Variants in KIFC1 observed in about 807,000 individuals in gnomAD.
KIFC1 encodes kinesin-like protein KIFC1.
In KIFC1, 37 loss-of-function variants were observed where a neutral mutation model predicts 66.6. The observed-to-expected ratio is 0.56, with a 90% CI of 0.43 to 0.73. KIFC1 has a LOEUF of 0.73. Among genes scored for constraint, KIFC1 ranks in the 30% least tolerant of loss-of-function variants. KIFC1 has a pLI of 0.00. For synonymous variants in KIFC1, 325 were observed against 343.5 expected (o/e 0.95, Z 0.60); for missense variants, 721 against 859.8 (o/e 0.84, Z 2.02).
At chr6:33,394,356 G>A (rs1240763598) in intron 1 of KIFC1, among the ~76,000 whole-genome samples, 5 of 152,214 alleles carry the variant, frequency 3.3e-5, no homozygotes, top group African/African-American at 1.2e-4. Flanking sequence ...AGGAGAAAGA[G>A]AGGACTCTGG....
rs1420212552 is a variant in KIFC1, at chr6:33,403,474, C to T, written c.305-11C>T. 6.2e-7 allele frequency: 1 copy of T among 1,614,032 alleles called. No individual in the cohort carries two copies. The highest frequency in any genetic ancestry group is 2.2e-5 in the East Asian group (1 of 44,890). Reference sequence around the variant, plus strand: ...TCCTGTAATTCCTAAGTCACCTCCTCAATTCTGTAGGGTTGAAGAACCAGA... The same window carrying T: ...TCCTGTAATTCCTAAGTCACCTCCTTAATTCTGTAGGGTTGAAGAACCAGA... On this transcript the variant is annotated splice_polypyrimidine_tract_variant and intron_variant, in intron 4 of 10. Transcript: ENST00000428849. This position sits in a 1 kb window ranked among gnomAD's most constrained non-coding sequence, Gnocchi z 4.6.
Position 33,405,636 on chromosome 6 carries a change from G to C in KIFC1, c.1536+5G>C, listed in dbSNP as rs773669400. The C allele has an allele frequency of 6.6e-7, 1 of 1,504,482 alleles. No individual in the cohort carries two copies. The highest frequency in any genetic ancestry group is 1.3e-5 in the South Asian group (1 of 76,242). 93.2% of individuals were successfully genotyped at this position (1,504,482 alleles called of 1,614,324 possible). ...CCTGTCTCCTGTGAGAAAGAAGTGA[G>C]GACCCATGGGCACTGGAACTGGGAA... is the stretch of plus-strand genomic sequence containing the variant. On this transcript the variant is annotated splice_donor_5th_base_variant and intron_variant, in intron 7 of 10. Transcript: ENST00000428849. The surrounding 1 kb of genome is among the most constrained non-coding windows in gnomAD (Gnocchi z 5.4).
Position 33,409,750 on chromosome 6 carries a change from TGTGTCCCTATGTCTATGTATCGG to T in KIFC1, c.*64_*86del. ...GTGTGTGTGTGTGTGTGTGTGTGTG[TGTGTCCCTATGTCTATGTATCGG>T]GTGAGGGGTGGGAGGGTTGCTGGAG... On this transcript the variant is annotated 3_prime_UTR_variant, in exon 11 of 11. Coordinates refer to ENST00000428849, the MANE Select transcript of KIFC1 (RefSeq NM_002263.4). The T allele has an allele frequency of 1.4e-6, 2 of 1,433,140 alleles. No homozygotes were observed. 88.8% of individuals were successfully genotyped at this position (1,433,140 alleles called of 1,614,324 possible).
Position 33,403,655 on chromosome 6 carries a change from C to A in KIFC1, c.356-74C>A. 1 of 1,586,788 alleles carries A rather than the reference C, an allele frequency of 6.3e-7. No homozygotes were observed. The highest frequency in any genetic ancestry group is 8.6e-7 in the Non-Finnish European group (1 of 1,157,074). ...GAGATGTAGCATCAGGTGTGGATCC[C>A]ATAAAGGCTAGAAGGGAGGAGGGAT... On this transcript the variant is annotated intron_variant, in intron 5 of 10. Coordinates refer to ENST00000428849, the MANE Select transcript of KIFC1 (RefSeq NM_002263.4). The surrounding 1 kb of genome is among the most constrained non-coding windows in gnomAD (Gnocchi z 4.6).
chr6:33,392,467 GAGA>G (rs980644659), intron 1 of KIFC1, among the ~76,000 whole-genome samples: 1 of 152,304 alleles, frequency 6.6e-6, no homozygotes, highest in Non-Finnish European at 1.5e-5. Flanking sequence ...GTAGGAAAGG[GAGA>G]AGGAGAGTAG....
chr6:33,397,965 G>C, intron 1 of KIFC1, 64 bp from the exon 2 acceptor site: 1 of 1,581,638 alleles, frequency 6.3e-7, no homozygotes, highest in South Asian at 1.1e-5. Context: ...TGGGGGCCAA[G>C]ACAGGAAGTT....
rs779239713 is a variant in KIFC1 at position 33,405,197 on chromosome 6, A to G, written c.1102A>G (p.Thr368Ala). 1.7e-5 allele frequency: 28 copies of G among 1,613,930 alleles called. No homozygotes were observed. The highest frequency in any genetic ancestry group is 2.7e-5 in the African/African-American group (2 of 74,890). The change falls in exon 7 of 11, where the codon ACT becomes GCT. Residue 368 changes from threonine (T) to alanine (A), a missense_variant. By Grantham distance (58) the Thr-to-Ala change is moderately conservative. Transcript: ENST00000428849. The surrounding 1 kb of genome is among the most constrained non-coding windows in gnomAD (Gnocchi z 5.4). The part of the protein sequence containing the change: ...GTLSGAPAPP[T>A]RHDFSFDRVF... The stretch of plus-strand genomic sequence containing the variant: ...CCTGAGTGGGGCACCAGCTCCCCCA[A>G]CTCGCCATGATTTTTCCTTTGACCG...
chr6:33,397,013 G>A (rs1275859326), intron 1 of KIFC1, among the ~76,000 whole-genome samples: 1 of 94,868 alleles, frequency 1.1e-5, no homozygotes, highest in African/African-American at 4.0e-5. Flanking sequence ...TTTTTGAGAC[G>A]TAGTCTCGCT....
chr6:33,409,174 C>G (rs945403739), intron 10 of KIFC1, among the ~76,000 whole-genome samples: 31 of 151,920 alleles, frequency 2.0e-4, no homozygotes, highest in Non-Finnish European at 3.5e-4. Context: ...TCAACAACAA[C>G]AACAAAAAAA....
intron 1 of KIFC1, 112 bp from the exon 2 acceptor site, chr6:33,397,914 AGTG>A (rs1346564523): frequency 3.7e-6 from 4 of 1,080,702 alleles, no homozygotes; most frequent in Non-Finnish European, 5.5e-6. Flanking sequence ...TTTTGGCACA[AGTG>A]GTGCTCAGTG....
In KIFC1 at chr6:33,391,936, C is replaced by A. The variant is rs768070174; in HGVS notation, c.-50C>A. ...ACGCGAGTCCCAGGATCCCCGGCAC[C>A]CAGTTCTCTTCCACTGCATTCCCCC... On this transcript the variant is annotated 5_prime_UTR_variant, in exon 1 of 11. Transcript: ENST00000428849. 2 of 1,612,346 alleles carry A rather than the reference C, an allele frequency of 1.2e-6. No individual in the cohort carries two copies. The highest frequency in any genetic ancestry group is 2.2e-5 in the South Asian group (2 of 91,004).
At chr6:33,408,349 T>C (rs1401958432) in intron 10 of KIFC1, among the ~76,000 whole-genome samples, 3 of 152,218 alleles carry the variant, frequency 2.0e-5, no homozygotes, top group African/African-American at 7.2e-5. Context: ...TTGCTTCCTC[T>C]TTCCCCCATA....
Position 33,406,512 on chromosome 6 carries a change from CGGGACCTGG to C in KIFC1, c.1827+32_1827+40del. ...GTGGGAATGGGAGTGGGGTGAGATA[CGGGACCTGG>C]GGGACAGTTGGGGTTGGCTGTGCAG... On this transcript the variant is annotated intron_variant, in intron 8 of 10. Coordinates refer to ENST00000428849, the MANE Select transcript of KIFC1 (RefSeq NM_002263.4). The surrounding 1 kb of genome is among the most constrained non-coding windows in gnomAD (Gnocchi z 4.5). 1 of 1,606,562 alleles carries C rather than the reference CGGGACCTGG, an allele frequency of 6.2e-7. No individual in the cohort carries two copies. The highest frequency in any genetic ancestry group is 8.5e-7 in the Non-Finnish European group (1 of 1,175,414).
chr6:33,409,769 A>T lies in KIFC1; in HGVS notation c.*79A>T. On this transcript the variant is annotated 3_prime_UTR_variant, in exon 11 of 11. Transcript: ENST00000428849. ...TGTGTGTGTGTCCCTATGTCTATGT[A>T]TCGGGTGAGGGGTGGGAGGGTTGCT... 2 of 1,282,736 alleles carry T rather than the reference A, an allele frequency of 1.6e-6. No individual in the cohort carries two copies. Among genetic ancestry groups the T allele is most frequent in the South Asian group, 1.3e-5 (1 of 79,022 alleles). 79.5% of individuals were successfully genotyped at this position (1,282,736 alleles called of 1,614,324 possible).
At position 33,403,436 on chromosome 6, in the gene KIFC1, G is replaced by A. The variant is rs749279113; in HGVS notation, c.305-49G>A. The A allele has an allele frequency of 6.2e-7, 1 of 1,609,800 alleles. No homozygotes were observed. The highest frequency in any genetic ancestry group is 2.2e-5 in the East Asian group (1 of 44,884). ...TGTGTAAAGGGAGAATGATGGAGGT[G>A]GAGGGACACTGGTCCTGTAATTCCT... On this transcript the variant is annotated intron_variant, in intron 4 of 10. Transcript: ENST00000428849. This position sits in a 1 kb window ranked among gnomAD's most constrained non-coding sequence, Gnocchi z 4.6.
At position 33,405,708 on chromosome 6, in the gene KIFC1, A is replaced by C; in HGVS notation, c.1536+77A>C. Reference sequence around the variant, plus strand: ...GCCACGAGATGGAGGTAGAGGGAGAAAGGAGCAAGAGAGAATTGAAGGATG... The same window carrying C: ...GCCACGAGATGGAGGTAGAGGGAGACAGGAGCAAGAGAGAATTGAAGGATG... On this transcript the variant is annotated intron_variant, in intron 7 of 10. Transcript: ENST00000428849. This position sits in a 1 kb window ranked among gnomAD's most constrained non-coding sequence, Gnocchi z 5.4. The C allele has an allele frequency of 9.7e-6, 13 of 1,333,454 alleles. No homozygotes were observed. The highest frequency in any genetic ancestry group is 1.2e-5 in the Non-Finnish European group (12 of 1,011,070). 82.6% of individuals were successfully genotyped at this position (1,333,454 alleles called of 1,614,324 possible).
At position 33,400,098 on chromosome 6, in the gene KIFC1, A is replaced by T; in HGVS notation, c.250+1711A>T. On this transcript the variant is annotated intron_variant, in intron 3 of 10. Transcript: ENST00000428849. The surrounding 1 kb of genome is among the most constrained non-coding windows in gnomAD (Gnocchi z 4.3). ...ATTCCACAGCACCACTGTTGATGTC[A>T]TCTATGATGTCATGAGGGTGGTGGC... 2 of 791,408 alleles carry T rather than the reference A, an allele frequency of 2.5e-6. No individual in the cohort carries two copies. The highest frequency in any genetic ancestry group is 2.7e-5 in the South Asian group (2 of 74,860). 49.0% of individuals were successfully genotyped at this position (791,408 alleles called of 1,614,324 possible).
intron 1 of KIFC1, among the ~76,000 whole-genome samples, chr6:33,392,378 G>T (rs1025346039): frequency 2.6e-5 from 4 of 152,292 alleles, no homozygotes; most frequent in Middle Eastern, 3.4e-3. Flanking sequence ...TTCCTTTTGG[G>T]GACATGGTGT....
At position 33,405,099 on chromosome 6, in the gene KIFC1, C is replaced by T. The variant is rs148092280; in HGVS notation, c.1004C>T (p.Pro335Leu). 1.4e-5 allele frequency: 23 copies of T among 1,614,058 alleles called. No homozygotes were observed. Among genetic ancestry groups the T allele is most frequent in the Non-Finnish European group, 1.9e-5 (22 of 1,180,024 alleles). The change falls in exon 7 of 11, where the codon CCC becomes CTC. Residue 335 changes from proline to leucine, a missense_variant. Coordinates refer to ENST00000428849, the MANE Select transcript of KIFC1 (RefSeq NM_002263.4). The surrounding 1 kb of genome is among the most constrained non-coding windows in gnomAD (Gnocchi z 5.4). ...CCACCCCCTGGCCTCCTCCTGTTTC[C>T]CTCTGGCCCTGGTGGGCCCTCTGAT... is the stretch of plus-strand genomic sequence containing the variant. ...PTPPPGLLLFPSGPGGPSDPP... is the reference protein window; with the variant it reads ...PTPPPGLLLFLSGPGGPSDPP...
Sources: allele counts gnomAD v4.1 joint callset (sites outside exome capture counted in the v4.1 genomes callset), GRCh38; gene constraint gnomAD v4.1.1; non-coding constraint Gnocchi (gnomAD v3.1); transcripts MANE v1.5; gene names NCBI Gene and HGNC (gene_info 2026-07-23, HGNC 2026-07-21).